Variants in GRIK3 observed in about 807,000 individuals in gnomAD.
The protein encoded by GRIK3 is glutamate receptor ionotropic, kainate 3.
In GRIK3, 29 loss-of-function variants were observed where a neutral mutation model predicts 102.5. The observed-to-expected ratio is 0.28, with a 90% CI of 0.21 to 0.39. GRIK3 has a LOEUF of 0.39. Among genes scored for constraint, GRIK3 ranks in the 10% least tolerant of loss-of-function variants. The pLI, the probability that GRIK3 is intolerant of heterozygous loss-of-function variation, is 1.00. For synonymous variants in GRIK3, 511 were observed against 504.9 expected (o/e 1.01, Z -0.16); for missense variants, 908 against 1,252.4 (o/e 0.73, Z 4.15).
Position 36,859,218 on chromosome 1 carries a change from T to C in GRIK3, c.994A>G (p.Ile332Val), listed in dbSNP as rs1640691160. 1.2e-6 allele frequency: 2 copies of C among 1,613,664 alleles called. No homozygotes were observed. Among genetic ancestry groups the C allele is most frequent in the East Asian group, 2.2e-5 (1 of 44,868 alleles). Residue 332 changes from isoleucine to valine, a missense_variant, in exon 7 of 16, where the codon ATC (isoleucine) becomes GTC (valine). By Grantham distance (29) the Ile-to-Val change is conservative. Coordinates refer to ENST00000373091, the MANE Select transcript of GRIK3 (RefSeq NM_000831.4). ...GCCCGCTGGTAGCACACGGACACGA[T>C]ATGGACGGCGTCGTACAGTAAGGCT... The part of the protein sequence containing the change: ...DAALLYDAVH[I>V]VSVCYQRAPQ...
rs371011659 is a variant in GRIK3 at position 36,829,409 on chromosome 1, GTTTTT to G, written c.1531-3588_1531-3584del. On this transcript the variant is annotated intron_variant, in intron 10 of 15. Transcript: ENST00000373091. ...AACCCCATGGTTTTTATTGTTTTTT[GTTTTT>G]TTTTTTTAACAGAAGGAAACTGAGG... is the stretch of plus-strand genomic sequence containing the variant. Among the ~76,000 whole-genome samples the G allele has an allele frequency of 1.2e-3, 165 of 142,994 alleles. 4 individuals are homozygous for G. In the East Asian group the frequency reaches 0.027, roughly 24 times the overall value. 93.8% of individuals were successfully genotyped at this position (142,994 alleles called of 152,430 possible).
chr1:36,943,844 G>A (rs1641753491), intron 1 of GRIK3, among the ~76,000 whole-genome samples: 2 of 152,246 alleles, frequency 1.3e-5, no homozygotes, highest in South Asian at 4.1e-4. Context: ...AAGCCAGGGA[G>A]ACCCATCTCT....
Position 36,856,578 on chromosome 1 carries a change from G to T in GRIK3, c.1104+2530C>A, listed in dbSNP as rs917017933. On this transcript the variant is annotated intron_variant, in intron 7 of 15. Transcript: ENST00000373091. ...GGAGGACTGTGCTGGGGTCGGGCAG[G>T]CATCTGAGGTTCGGTTGTGGCCAGC... 4.6e-5 allele frequency among the ~76,000 whole-genome samples: 7 copies of T among 152,324 alleles called. No individual in the cohort carries two copies. In the East Asian group the frequency reaches 1.2e-3, roughly 25 times the overall value.
chr1:36,966,933 G>A lies in GRIK3; in HGVS notation c.115+67061C>T, dbSNP rs150871916. On this transcript the variant is annotated intron_variant, in intron 1 of 15. Coordinates refer to ENST00000373091, the MANE Select transcript of GRIK3 (RefSeq NM_000831.4). ...GCCAGACAATGTGCTTGTTTTGAGGGATACAATGGTTTAAAAAAAGATGTA... is the reference window on the plus strand; with the variant it reads ...GCCAGACAATGTGCTTGTTTTGAGGAATACAATGGTTTAAAAAAAGATGTA... Among the ~76,000 whole-genome samples, 682 of 152,150 alleles carry A rather than the reference G, an allele frequency of 4.5e-3. 6 individuals carry two copies. The highest frequency in any genetic ancestry group is 0.016 in the African/African-American group (652 of 41,504).
intron 13 of GRIK3, among the ~76,000 whole-genome samples, chr1:36,807,595 C>A (rs1015010689): frequency 6.6e-6 from 1 of 152,124 alleles, no homozygotes; most frequent in Non-Finnish European, 1.5e-5. Flanking sequence ...TGGGAGGGAG[C>A]TAAGGAGCCT....
At chr1:37,003,612 C>T (rs971931557) in intron 1 of GRIK3, among the ~76,000 whole-genome samples, 18 of 152,328 alleles carry the variant, frequency 1.2e-4, no homozygotes, top group Middle Eastern at 6.8e-3. Flanking sequence ...CATCTGTACC[C>T]TTAAGTCAGC....
intron 7 of GRIK3, among the ~76,000 whole-genome samples, 171 bp from the exon 8 acceptor site, chr1:36,853,893 A>C (rs1417817274): frequency 2.0e-5 from 3 of 152,046 alleles, no homozygotes; most frequent in Non-Finnish European, 4.4e-5. Context: ...TGAGCCAGCG[A>C]TTTCCATAAA....
chr1:37,030,114 G>C (rs1258414717), intron 1 of GRIK3, among the ~76,000 whole-genome samples: 2 of 152,174 alleles, frequency 1.3e-5, no homozygotes, highest in Non-Finnish European at 2.9e-5. Flanking sequence ...AAAAGTGGAG[G>C]TAGAAATTCC....
chr1:36,857,247 T>C (rs976030769), intron 7 of GRIK3, among the ~76,000 whole-genome samples: 1 of 152,122 alleles, frequency 6.6e-6, no homozygotes. Flanking sequence ...ACCGACACCC[T>C]CACAGTGGCC....
At chr1:37,028,564 A>G (rs1012911613) in intron 1 of GRIK3, among the ~76,000 whole-genome samples, 2 of 152,234 alleles carry the variant, frequency 1.3e-5, no homozygotes, top group Non-Finnish European at 2.9e-5. Flanking sequence ...TCAGAGTGGT[A>G]GAGCCCAGAT....
intron 12 of GRIK3, among the ~76,000 whole-genome samples, chr1:36,818,571 C>T (rs117029571): frequency 0.012 from 1,888 of 152,358 alleles, 71 homozygotes; most frequent in Admixed American, 0.065. Flanking sequence ...CTGCCCAAGT[C>T]CCTGCCCTGG....
intron 1 of GRIK3, among the ~76,000 whole-genome samples, chr1:37,030,264 C>T (rs1023533592): frequency 6.6e-6 from 1 of 152,200 alleles, no homozygotes; most frequent in Non-Finnish European, 1.5e-5. Flanking sequence ...AGCGCATCAC[C>T]AGTCACTGTG....
chr1:36,919,373 T>TATTTTATTTC (rs1641442162), intron 1 of GRIK3, among the ~76,000 whole-genome samples: 2 of 150,584 alleles, frequency 1.3e-5, no homozygotes, highest in African/African-American at 4.9e-5. Flanking sequence ...TATTTTATTT[T>TATTTTATTTC]ATTTATTATT....
At chr1:37,012,169 G>A (rs1400884930) in intron 1 of GRIK3, among the ~76,000 whole-genome samples, 1 of 152,176 alleles carries the variant, frequency 6.6e-6, no homozygotes, top group Admixed American at 6.5e-5. Flanking sequence ...AGTGCCAGGG[G>A]GCCATTGCCT....
At chr1:36,827,137 G>T (rs1002215419) in intron 10 of GRIK3, among the ~76,000 whole-genome samples, 2 of 152,160 alleles carry the variant, frequency 1.3e-5, no homozygotes, top group Admixed American at 6.5e-5. Context: ...TGCTTTGCTT[G>T]AATGGCAGTC....
At chr1:36,839,934 G>A (rs1476839420) in intron 10 of GRIK3, among the ~76,000 whole-genome samples, 2 of 152,202 alleles carry the variant, frequency 1.3e-5, no homozygotes, top group African/African-American at 4.8e-5. Context: ...ACCGAGGCAA[G>A]GGGGCTTAAC....
intron 9 of GRIK3, among the ~76,000 whole-genome samples, chr1:36,843,763 TCC>T (rs1313126289): frequency 6.6e-6 from 1 of 152,096 alleles, no homozygotes; most frequent in African/African-American, 2.4e-5. Flanking sequence ...CAGCCAAACG[TCC>T]CCAGACCTGC....
At chr1:36,873,376 T>C (rs1640863693) in intron 3 of GRIK3, among the ~76,000 whole-genome samples, 1 of 152,218 alleles carries the variant, frequency 6.6e-6, no homozygotes, top group Admixed American at 6.5e-5. Flanking sequence ...TGGAGACAAA[T>C]GGCTTACTTA....
chr1:36,898,361 G>T lies in GRIK3; in HGVS notation c.116-7265C>A, dbSNP rs996708132. Among the ~76,000 whole-genome samples the T allele has an allele frequency of 1.2e-4, 19 of 152,202 alleles. 1 individual carries two copies. The highest frequency in any genetic ancestry group is 4.1e-4 in the African/African-American group (17 of 41,526). On this transcript the variant is annotated intron_variant, in intron 1 of 15. Coordinates refer to ENST00000373091, the MANE Select transcript of GRIK3 (RefSeq NM_000831.4). The stretch of plus-strand genomic sequence containing the variant: ...TCCCATGATGTGATTATTACATATT[G>T]CATGCCTGTATGCCTTACAAGAAAT...
Sources: gnomAD v4.1 joint callset for allele counts (sites outside exome capture counted in the v4.1 genomes callset) on GRCh38, gnomAD v4.1.1 for gene constraint, MANE v1.5 for transcripts, NCBI Gene and HGNC (gene_info 2026-07-23, HGNC 2026-07-21) for gene names.